The following ZFHX3 variants were observed in gnomAD, a reference collection of about 807,000 sequenced individuals.
ZFHX3 encodes the protein zinc finger homeobox 3.
Under a neutral mutation model 279.1 loss-of-function variants are expected in ZFHX3, and 42 were observed. The ratio of observed to expected loss-of-function variants is 0.15; its 90% CI spans 0.12 to 0.19. ZFHX3 has a LOEUF of 0.19. Among genes scored for constraint, ZFHX3 ranks in the 10% least tolerant of loss-of-function variants. The pLI, the probability that ZFHX3 is intolerant of heterozygous loss-of-function variation, is 1.00. For synonymous variants in ZFHX3, 2,293 were observed against 1,957.8 expected (o/e 1.17, Z -4.52); for missense variants, 4,981 against 4,754.0 (o/e 1.05, Z -1.40).
chr16:73,260,807 C>A (rs865971413), intron 4 of ZFHX3, among the ~76,000 whole-genome samples: 10 of 151,224 alleles, frequency 6.6e-5, no homozygotes, highest in Middle Eastern at 6.9e-3. Context: ...CTCAGCCTCC[C>A]GAGTGGCTGG....
rs369646695 is a variant in ZFHX3 at position 73,436,279 on chromosome 16, C to T, written c.-1291+19724G>A. 9.2e-5 allele frequency among the ~76,000 whole-genome samples: 14 copies of T among 152,264 alleles called. No homozygotes were observed. The South Asian group carries it at 2.9e-3, about 32-fold the overall frequency. Reference sequence around the variant, plus strand: ...GAGGTTGTGGTAAGCCAAGATCACACCATTGCACTCCAGCCTGGGCAACAA... The same window carrying T: ...GAGGTTGTGGTAAGCCAAGATCACATCATTGCACTCCAGCCTGGGCAACAA... On this transcript the variant is annotated intron_variant, in intron 3 of 17. Coordinates refer to the ZFHX3 transcript ENST00000641206.
At chr16:73,165,812 C>G (rs1967350971) in intron 5 of ZFHX3, among the ~76,000 whole-genome samples, 1 of 152,074 alleles carries the variant, frequency 6.6e-6, no homozygotes, top group African/African-American at 2.4e-5. Flanking sequence ...GAAAAAGAAG[C>G]CCTGGGTAAG....
At chr16:72,955,990 A>G (rs1234022756) in intron 2 of ZFHX3, among the ~76,000 whole-genome samples, 1 of 152,252 alleles carries the variant, frequency 6.6e-6, no homozygotes, top group Non-Finnish European at 1.5e-5. Flanking sequence ...GTGACAAATA[A>G]GACGACCAGT....
chr16:72,877,194 G>A (rs2038336020), intron 4 of ZFHX3, among the ~76,000 whole-genome samples: 1 of 152,116 alleles, frequency 6.6e-6, no homozygotes, highest in South Asian at 2.1e-4. Context: ...AGGTCCGCAG[G>A]GAATCAAATG....
chr16:72,985,452 C>T (rs867047299), intron 1 of ZFHX3, among the ~76,000 whole-genome samples: 4 of 152,304 alleles, frequency 2.6e-5, no homozygotes, highest in East Asian at 1.9e-4. Context: ...ATAAGGGTGT[C>T]CTCAATTAAA....
Position 72,783,954 on chromosome 16 carries a change from A to G in ZFHX3, c.*3210T>C, listed in dbSNP as rs1222098465. ...ACATCTAACTCATGTTTGACCTCTA[A>G]TGTTCACCATCACTGACTGCTTTGC... On this transcript the variant is annotated 3_prime_UTR_variant, in exon 10 of 10. Transcript: ENST00000268489. 1.3e-5 allele frequency: 2 copies of G among 152,230 alleles called. No individual in the cohort carries two copies. The highest frequency in any genetic ancestry group is 2.9e-5 in the Non-Finnish European group (2 of 68,048). 9.4% of individuals were successfully genotyped at this position (152,230 alleles called of 1,614,324 possible).
intron 7 of ZFHX3, 134 bp from the exon 8 acceptor site, chr16:72,800,263 C>A: frequency 1.5e-6 from 1 of 678,478 alleles, no homozygotes; most frequent in South Asian, 1.8e-5. Context: ...TCATAGCTCA[C>A]TGAAGATTCA....
chr16:73,323,694 G>A (rs1352483916), intron 3 of ZFHX3, among the ~76,000 whole-genome samples: 1 of 152,148 alleles, frequency 6.6e-6, no homozygotes, highest in Non-Finnish European at 1.5e-5. Context: ...AGGGGCTGAC[G>A]ATCTAGGAAG....
chr16:73,349,116 AGG>A (rs2016175372), intron 3 of ZFHX3, among the ~76,000 whole-genome samples: 1 of 152,190 alleles, frequency 6.6e-6, no homozygotes, highest in Admixed American at 6.5e-5. Context: ...TTTCCCACTC[AGG>A]GATCTCCCGA....
At chr16:73,385,735 G>A (rs2016890127) in intron 3 of ZFHX3, among the ~76,000 whole-genome samples, 1 of 152,248 alleles carries the variant, frequency 6.6e-6, no homozygotes, top group Admixed American at 6.5e-5. Context: ...ACTGCTTACA[G>A]GCTGGGGTAC....
chr16:73,038,788 T>TATC (rs1472875647), intron 1 of ZFHX3, among the ~76,000 whole-genome samples: 17 of 15,922 alleles, frequency 1.1e-3, no homozygotes, highest in Non-Finnish European at 1.4e-3. Flanking sequence ...TTTTTATTAC[T>TATC]ATTATTATTA....
Position 73,411,975 on chromosome 16 carries a change from G to A in ZFHX3, c.-1291+44028C>T, listed in dbSNP as rs7191423. Among the ~76,000 whole-genome samples the A allele has an allele frequency of 9.4e-3, 1,425 of 152,236 alleles. 34 individuals are homozygous for A. Among genetic ancestry groups the A allele is most frequent in the African/African-American group, 0.032 (1,316 of 41,512 alleles). ...AGTTTCTATTGGGGCTAAAACTTAA[G>A]GAAGAGCAATTAAAGACCTCTAAGA... On this transcript the variant is annotated intron_variant, in intron 3 of 17. Coordinates refer to the ZFHX3 transcript ENST00000641206.
chr16:73,388,524 C>T (rs368111616), intron 3 of ZFHX3, among the ~76,000 whole-genome samples: 1 of 152,132 alleles, frequency 6.6e-6, no homozygotes, highest in South Asian at 2.1e-4. Flanking sequence ...TTAAAATGAC[C>T]CCCTCACCAC....
intron 7 of ZFHX3, among the ~76,000 whole-genome samples, chr16:73,117,519 A>G (rs1966446317): frequency 1.3e-5 from 2 of 152,216 alleles, no homozygotes; most frequent in Admixed American, 1.3e-4. Context: ...TTACGACCCA[A>G]TGGAGTTGTC....
intron 1 of ZFHX3, among the ~76,000 whole-genome samples, chr16:73,849,561 T>C (rs1278106908): frequency 6.6e-6 from 1 of 152,200 alleles, no homozygotes; most frequent in Non-Finnish European, 1.5e-5. Flanking sequence ...GATTATGAAA[T>C]GAGGGTAATT....
At chr16:73,382,945 G>A (rs1214593825) in intron 3 of ZFHX3, among the ~76,000 whole-genome samples, 1 of 152,190 alleles carries the variant, frequency 6.6e-6, no homozygotes, top group Non-Finnish European at 1.5e-5. Context: ...AAGAAGACCT[G>A]TTGCAGTCTG....
At chr16:73,035,316 C>T (rs1055701732) in intron 1 of ZFHX3, among the ~76,000 whole-genome samples, 1 of 152,172 alleles carries the variant, frequency 6.6e-6, no homozygotes. Flanking sequence ...AAATTACCTA[C>T]GTGGCTTACA....
intron 1 of ZFHX3, among the ~76,000 whole-genome samples, chr16:73,770,887 C>T (rs186729856): frequency 6.6e-6 from 1 of 152,262 alleles, no homozygotes; most frequent in African/African-American, 2.4e-5. Flanking sequence ...ACAATAAATA[C>T]CATTATGTGT....
chr16:73,072,640 T>C (rs1965838154), intron 8 of ZFHX3, among the ~76,000 whole-genome samples: 1 of 151,948 alleles, frequency 6.6e-6, no homozygotes, highest in Non-Finnish European at 1.5e-5. Context: ...TCATAACTCA[T>C]TGCAGCCTCC....
Sources: gnomAD v4.1 joint callset for allele counts (sites outside exome capture counted in the v4.1 genomes callset) on GRCh38, gnomAD v4.1.1 for gene constraint, MANE v1.5 for transcripts, NCBI Gene and HGNC (gene_info 2026-07-23, HGNC 2026-07-21) for gene names.